CACNA1E: variants seen among roughly 807,000 people sequenced by gnomAD.
CACNA1E encodes the protein voltage-dependent R-type calcium channel subunit alpha-1E.
A neutral mutation model predicts 259.2 loss-of-function variants in CACNA1E; 40 were observed. The observed-to-expected ratio is 0.15, with a 90% CI of 0.12 to 0.20. The LOEUF (loss-of-function observed/expected upper bound fraction) is 0.20, where lower values mean the gene tolerates loss of function less well. Among genes scored for constraint, CACNA1E ranks in the 10% least tolerant of loss-of-function variants. CACNA1E has a pLI of 1.00. For synonymous variants in CACNA1E, 1,104 were observed against 1,138.5 expected (o/e 0.97, Z 0.61); for missense variants, 1,874 against 3,040.1 (o/e 0.62, Z 9.02).
chr1:181,494,701 C>T lies in CACNA1E; in HGVS notation c.266+10691C>T, dbSNP rs969796709. 7.9e-5 allele frequency among the ~76,000 whole-genome samples: 12 copies of T among 152,226 alleles called. No individual in the cohort carries two copies. In the East Asian group the frequency reaches 1.2e-3, roughly 15 times the overall value. On this transcript the variant is annotated intron_variant, in intron 1 of 47. Coordinates refer to ENST00000367573, the MANE Select transcript of CACNA1E (RefSeq NM_001205293.3). ...CACCGGTGAGCTTGAACAAGTGGTC[C>T]GAATCCAAAGTTTAAGTGATTTCTA...
At chr1:181,587,457 A>G (rs1309859047) in intron 6 of CACNA1E, among the ~76,000 whole-genome samples, 2 of 152,214 alleles carry the variant, frequency 1.3e-5, no homozygotes, top group African/African-American at 4.8e-5. Context: ...CCAGTTGAGC[A>G]CAATAAAATG....
chr1:181,430,507 G>A (rs4287139), intron 2 of CACNA1E, among the ~76,000 whole-genome samples: 65,548 of 151,804 alleles, frequency 0.43, 14,874 homozygotes, highest in African/African-American at 0.57. Context: ...GTTTTGGGTA[G>A]GTCCCCCACC....
At chr1:181,672,029 T>C (rs1648856659) in intron 7 of CACNA1E, among the ~76,000 whole-genome samples, 1 of 152,230 alleles carries the variant, frequency 6.6e-6, no homozygotes, top group South Asian at 2.1e-4. Context: ...ATGTGGTACA[T>C]ATACTCATGG....
At chr1:181,577,652 G>A in intron 3 of CACNA1E, 114 bp from the exon 4 acceptor site, 2 of 586,004 alleles carry the variant, frequency 3.4e-6, no homozygotes, top group Non-Finnish European at 3.0e-6. Flanking sequence ...ACATACAGCT[G>A]GCGTCAGCGC....
intron 46 of CACNA1E, among the ~76,000 whole-genome samples, chr1:181,796,262 T>A (rs373339167): frequency 2.0e-5 from 3 of 152,202 alleles, no homozygotes; most frequent in African/African-American, 7.2e-5. Context: ...CTATCTTTTT[T>A]CAGGCTGCTA....
rs1013816729 is a variant in CACNA1E at position 181,732,096 on chromosome 1, G to T, written c.2298-288G>T. On this transcript the variant is annotated intron_variant, in intron 19 of 47. Transcript: ENST00000367573. The surrounding 1 kb of genome is among the most constrained non-coding windows in gnomAD (Gnocchi z 5.5). ...AGCCTGTGGATGGCTGCCCCAGCAG[G>T]CCCTGGGGACTTGGAACTCCTCCCA... 2.0e-5 allele frequency among the ~76,000 whole-genome samples: 3 copies of T among 151,968 alleles called. No individual in the cohort carries two copies. The highest frequency in any genetic ancestry group is 4.4e-5 in the Non-Finnish European group (3 of 68,002).
chr1:181,610,035 C>T (rs902794090), intron 6 of CACNA1E, among the ~76,000 whole-genome samples: 9 of 152,176 alleles, frequency 5.9e-5, no homozygotes, highest in Non-Finnish European at 1.0e-4. Flanking sequence ...GACACCAACA[C>T]AGTATTCATT....
At chr1:181,575,635 T>A (rs191365989) in intron 3 of CACNA1E, among the ~76,000 whole-genome samples, 78 of 152,318 alleles carry the variant, frequency 5.1e-4, no homozygotes, top group African/African-American at 1.8e-3. Context: ...GAGAGGAAAT[T>A]TTCATTTCCA....
At chr1:181,696,717 T>A (rs1651746733) in intron 7 of CACNA1E, among the ~76,000 whole-genome samples, 1 of 152,190 alleles carries the variant, frequency 6.6e-6, no homozygotes. Context: ...GCACAGATAA[T>A]GTTTGCAGAT....
chr1:181,476,219 C>T (rs1662840088), intron 2 of CACNA1E, among the ~76,000 whole-genome samples: 1 of 152,154 alleles, frequency 6.6e-6, no homozygotes. Context: ...AGTAAATGGC[C>T]TGCCCAGGTA....
chr1:181,572,348 C>T (rs887553752), intron 3 of CACNA1E, among the ~76,000 whole-genome samples: 2 of 152,204 alleles, frequency 1.3e-5, no homozygotes, highest in Non-Finnish European at 1.5e-5. Flanking sequence ...AAGACTTGTG[C>T]TGCATCATCA....
At chr1:181,720,484 T>C in intron 14 of CACNA1E, 147 bp downstream of exon 14, 1 of 845,152 alleles carries the variant, frequency 1.2e-6, no homozygotes, top group Non-Finnish European at 1.8e-6. Context: ...AGTTCATATG[T>C]GGAGTAAACG....
chr1:181,516,378 C>A (rs1666588740), intron 3 of CACNA1E, among the ~76,000 whole-genome samples: 1 of 151,808 alleles, frequency 6.6e-6, no homozygotes, highest in Admixed American at 6.6e-5. Context: ...CACACACACA[C>A]ACACACAATT....
chr1:181,613,992 G>C (rs144628296), intron 6 of CACNA1E, among the ~76,000 whole-genome samples: 3 of 152,154 alleles, frequency 2.0e-5, no homozygotes, highest in Non-Finnish European at 4.4e-5. Flanking sequence ...AAAGTCTCCA[G>C]CTTTAGATAA....
At chr1:181,440,982 TCAAAAAAAAAAAAA>T (rs1453736212) in intron 2 of CACNA1E, among the ~76,000 whole-genome samples, 1 of 25,282 alleles carries the variant, frequency 4.0e-5, no homozygotes, top group Admixed American at 5.9e-4. Context: ...CGACCTTGTT[TCAAAAAAAAAAAAA>T]AAAAAAAAAA....
intron 6 of CACNA1E, among the ~76,000 whole-genome samples, chr1:181,623,083 A>G (rs1558195763): frequency 6.6e-6 from 1 of 152,218 alleles, no homozygotes. Flanking sequence ...CATCAGCTGC[A>G]ATTGAAGTCC....
At chr1:181,535,783 GT>G (rs1483967439) in intron 3 of CACNA1E, among the ~76,000 whole-genome samples, 1 of 151,754 alleles carries the variant, frequency 6.6e-6, no homozygotes, top group Non-Finnish European at 1.5e-5. Context: ...TGCCTCCCGG[GT>G]TCCAGCGATT....
intron 1 of CACNA1E, among the ~76,000 whole-genome samples, chr1:181,509,348 C>T (rs1665977020): frequency 6.6e-6 from 1 of 152,142 alleles, no homozygotes; most frequent in Admixed American, 6.5e-5. Flanking sequence ...TCCTGAACTC[C>T]ACGACAGGGT....
At chr1:181,395,772 GA>G (rs1174912773) in intron 1 of CACNA1E, among the ~76,000 whole-genome samples, 1 of 152,152 alleles carries the variant, frequency 6.6e-6, no homozygotes, top group Admixed American at 6.5e-5. Flanking sequence ...GAGGTCGAAG[GA>G]AAACCAGGAG....
Sources: gnomAD v4.1 joint callset for allele counts (sites outside exome capture counted in the v4.1 genomes callset) on GRCh38, gnomAD v4.1.1 for gene constraint, Gnocchi (gnomAD v3.1) non-coding constraint, MANE v1.5 for transcripts, NCBI Gene and HGNC (gene_info 2026-07-23, HGNC 2026-07-21) for gene names.